The following NBAS variants were observed in gnomAD, a reference collection of about 807,000 sequenced individuals.
The protein encoded by NBAS is NAG/BC035112 fusion.
Under a neutral mutation model 302.5 loss-of-function variants are expected in NBAS, and 219 were observed. The ratio of observed to expected loss-of-function variants is 0.72; its 90% CI spans 0.65 to 0.81. The LOEUF is 0.81. NBAS is among the 30% of genes least tolerant of loss of function. The pLI is 0.00. For missense variants in NBAS, 2,932 were observed against 2,841.6 expected (o/e 1.03, Z -0.72); for synonymous variants, 1,118 against 1,021.6 (o/e 1.09, Z -1.80).
chr2:15,213,104 A>AT (rs1359535461), intron 48 of NBAS, among the ~76,000 whole-genome samples: 1 of 152,058 alleles, frequency 6.6e-6, no homozygotes, highest in East Asian at 1.9e-4. Flanking sequence ...TATTATTTCC[A>AT]TTTTTTAGAC....
chr2:15,072,179 T>A, the NBAS span, among the ~76,000 whole-genome samples: 1 of 152,264 alleles, frequency 6.6e-6, no homozygotes, highest in Non-Finnish European at 1.5e-5. Context: ...ACCAGCCTCA[T>A]GGCTTTTGCC....
chr2:14,846,836 A>C, the NBAS span, among the ~76,000 whole-genome samples: 1 of 152,108 alleles, frequency 6.6e-6, no homozygotes, highest in African/African-American at 2.4e-5. Context: ...AAAAATTAAA[A>C]GTTAAAAGTT....
At chr2:15,073,476 C>T in the NBAS span, among the ~76,000 whole-genome samples, 1 of 65,764 alleles carries the variant, frequency 1.5e-5, no homozygotes, top group South Asian at 4.4e-4. Context: ...AACTCCTTCT[C>T]AAAAAAAAAA....
intron 48 of NBAS, among the ~76,000 whole-genome samples, chr2:15,203,546 C>A (rs927539827): frequency 1.3e-5 from 2 of 152,060 alleles, no homozygotes; most frequent in African/African-American, 2.4e-5. Context: ...AAACTGGCAA[C>A]CAATGAATTA....
At chr2:15,327,976 A>G in intron 37 of NBAS, 106 bp from the exon 38 acceptor site, 2 of 1,450,584 alleles carry the variant, frequency 1.4e-6, no homozygotes, top group East Asian at 2.3e-5. Flanking sequence ...GACTTGAATA[A>G]TAACTGCTCA....
the NBAS span, among the ~76,000 whole-genome samples, chr2:14,970,855 G>T: frequency 7.9e-5 from 12 of 152,254 alleles, no homozygotes; most frequent in South Asian, 2.3e-3. Flanking sequence ...CAGTCCCACT[G>T]GGCTATAGTG....
rs185993197 is a variant in NBAS at position 15,319,702 on chromosome 2, G to T, written c.4582+8048C>A. On this transcript the variant is annotated intron_variant, in intron 38 of 51. Transcript: ENST00000281513. Reference sequence around the variant, plus strand: ...CCTCCCAAGACTAAACCAGGAAGAAGTTGACTCTTTGAATAGACAAATAAC... The same window carrying T: ...CCTCCCAAGACTAAACCAGGAAGAATTTGACTCTTTGAATAGACAAATAAC... Among the ~76,000 whole-genome samples, 773 of 151,922 alleles carry T rather than the reference G, an allele frequency of 5.1e-3. 9 individuals carry two copies. The highest frequency in any genetic ancestry group is 0.018 in the African/African-American group (750 of 41,278).
chr2:14,798,366 G>A, the NBAS span, among the ~76,000 whole-genome samples: 4 of 152,076 alleles, frequency 2.6e-5, no homozygotes, highest in East Asian at 1.9e-4. Flanking sequence ...TTTTAAGTAT[G>A]TTAATACAGT....
In NBAS at chr2:15,211,762, A is replaced by T. The variant is rs551864212; in HGVS notation, c.6432+7011T>A. On this transcript the variant is annotated intron_variant, in intron 48 of 51. Transcript: ENST00000281513. ...GAACCTGGGAAAAGAGTACCCAGAGATGGTGTTAGAGCAGACCTCATCCAG... is the reference window on the plus strand; with the variant it reads ...GAACCTGGGAAAAGAGTACCCAGAGTTGGTGTTAGAGCAGACCTCATCCAG... Among the ~76,000 whole-genome samples the T allele has an allele frequency of 6.6e-4, 101 of 152,316 alleles. 1 individual carries two copies. Among genetic ancestry groups the T allele is most frequent in the African/African-American group, 2.2e-3 (92 of 41,558 alleles).
chr2:15,424,438 T>G lies in NBAS; in HGVS notation c.2454A>C (p.Glu818Asp). The change falls in exon 23 of 52, where the codon GAA becomes GAC. Residue 818 changes from glutamate (E) to aspartate (D), a missense_variant. Physicochemically the swap from Glu to Asp is conservative, Grantham distance 45. Coordinates refer to ENST00000281513, the MANE Select transcript of NBAS (RefSeq NM_015909.4). ...GCTGTGCAGCATACAAGAATTCACT[T>G]TCATCTTGGAGATTCGGCTCAACAA... is the stretch of plus-strand genomic sequence containing the variant. The part of the protein sequence containing the change: ...RMVVEPNLQD[E>D]SEFLYAAQPE... 1 of 1,614,082 alleles carries G rather than the reference T, an allele frequency of 6.2e-7. No homozygotes were observed. Among genetic ancestry groups the G allele is most frequent in the South Asian group, 1.1e-5 (1 of 91,084 alleles).
At chr2:15,113,320 C>T in the NBAS span, among the ~76,000 whole-genome samples, 5 of 129,870 alleles carry the variant, frequency 3.9e-5, no homozygotes, top group Non-Finnish European at 8.2e-5. Flanking sequence ...GGTATGAACT[C>T]GTGTGTGTGT....
Position 15,356,305 on chromosome 2 carries a change from G to A in NBAS, c.3929C>T (p.Thr1310Ile). The change falls in exon 33 of 52, where the codon ACA becomes ATA. Residue 1310 changes from threonine (T) to isoleucine (I), a missense_variant and splice_region_variant. Thr to Ile is a moderately conservative substitution (Grantham distance 89). Transcript: ENST00000281513. ...ASMHCQELMA[T>I]GYPKSWDVCS... ...TGTTAAATAAGCTGTCTACTCACCT[G>A]TGGCCATCAGCTCCTGACAATGCAT... 1 of 1,611,540 alleles carries A rather than the reference G, an allele frequency of 6.2e-7. No individual in the cohort carries two copies. Among genetic ancestry groups the A allele is most frequent in the Non-Finnish European group, 8.5e-7 (1 of 1,177,746 alleles).
At chr2:15,324,129 C>G (rs544567945) in intron 38 of NBAS, among the ~76,000 whole-genome samples, 1 of 152,240 alleles carries the variant, frequency 6.6e-6, no homozygotes, top group Non-Finnish European at 1.5e-5. Context: ...AGGGTGCCAT[C>G]GGAGAGCAAC....
chr2:15,151,848 T>C, the NBAS span, among the ~76,000 whole-genome samples: 1 of 152,150 alleles, frequency 6.6e-6, no homozygotes, highest in African/African-American at 2.4e-5. Flanking sequence ...AGAGTCTTTT[T>C]TATTTTTTAT....
chr2:14,918,841 G>A, the NBAS span, among the ~76,000 whole-genome samples: 1 of 152,108 alleles, frequency 6.6e-6, no homozygotes, highest in African/African-American at 2.4e-5. Context: ...ATGCAGGGGA[G>A]GTGTGGGGAG....
In NBAS at chr2:15,379,754, AGCACT is replaced by A; in HGVS notation, c.3433_3437del (p.Ser1145LeufsTer12). 1 of 1,614,086 alleles carries A rather than the reference AGCACT, an allele frequency of 6.2e-7. No homozygotes were observed. Among genetic ancestry groups the A allele is most frequent in the Non-Finnish European group, 8.5e-7 (1 of 1,179,990 alleles). ...TACCAGCTGGAGGATTTTCTGAACA[AGCACT>A]GCAGTGCATCATCTGTCCAGCCAGG... On this transcript the variant is annotated frameshift_variant, in exon 30 of 52. Coordinates refer to ENST00000281513, the MANE Select transcript of NBAS (RefSeq NM_015909.4). LOFTEE classifies it high-confidence loss of function.
intron 9 of NBAS, among the ~76,000 whole-genome samples, chr2:15,524,422 C>T (rs1158057148): frequency 1.3e-5 from 2 of 152,104 alleles, no homozygotes; most frequent in South Asian, 2.1e-4. Flanking sequence ...TTACATGTCC[C>T]GGTCCAAACT....
At chr2:15,395,567 C>T (rs1441910341) in intron 27 of NBAS, among the ~76,000 whole-genome samples, 4 of 152,092 alleles carry the variant, frequency 2.6e-5, no homozygotes, top group Non-Finnish European at 5.9e-5. Context: ...TCACATATTA[C>T]GGTGCACAAA....
the NBAS span, among the ~76,000 whole-genome samples, chr2:14,841,682 G>A: frequency 2.0e-5 from 3 of 151,718 alleles, no homozygotes; most frequent in African/African-American, 7.3e-5. Context: ...AAGCTCCCAG[G>A]TATATAAAGC....
Sources: gnomAD v4.1 joint callset for allele counts (sites outside exome capture counted in the v4.1 genomes callset) on GRCh38, gnomAD v4.1.1 for gene constraint, MANE v1.5 for transcripts, NCBI Gene and HGNC (gene_info 2026-07-23, HGNC 2026-07-21) for gene names.